Variants in GAPVD1 observed in about 807,000 individuals in gnomAD.
GAPVD1 encodes the protein GTPase-activating protein and VPS9 domain-containing protein 1.
GAPVD1 carries 35 observed loss-of-function variants against 155.5 expected under a neutral mutation model. The observed-to-expected ratio is 0.23, with a 90% CI of 0.17 to 0.30. The LOEUF (loss-of-function observed/expected upper bound fraction) is 0.30, where lower values mean the gene tolerates loss of function less well. GAPVD1 is among the 10% of genes least tolerant of loss of function. The probability of loss-of-function intolerance (pLI) is 1.00; values close to 1 mark genes in which losing one functional copy is unlikely to be tolerated. For missense variants in GAPVD1, 1,429 were observed against 1,775.7 expected (o/e 0.80, Z 3.51); for synonymous variants, 636 against 619.7 (o/e 1.03, Z -0.39).
At chr9:125,284,180 CTTTTTTT>C (rs34335675) in intron 2 of GAPVD1, among the ~76,000 whole-genome samples, 4 of 92,636 alleles carry the variant, frequency 4.3e-5, no homozygotes, top group African/African-American at 1.4e-4. Flanking sequence ...CCCGCCAGAA[CTTTTTTT>C]TTTTTTTTTT....
rs556039518 is a variant in GAPVD1 at position 125,365,379 on chromosome 9, A to G, written c.*2633A>G. 3 of 149,842 alleles carry G rather than the reference A, an allele frequency of 2.0e-5. No homozygotes were observed. The Admixed American group carries it at 2.0e-4, about 10-fold the overall frequency. The allele number at this position is 149,842 out of a possible 1,614,324, so 9.3% of individuals were successfully genotyped here. A position where few individuals can be genotyped will look rare whatever the true frequency, so the allele number is the denominator to read the frequency against. ...TTGTTCCCCAAATGTTTCTTCCTCC[A>G]CTGCCTTCCAGTACTTTCTTTACAT... is the stretch of plus-strand genomic sequence containing the variant. On this transcript the variant is annotated 3_prime_UTR_variant, in exon 28 of 28. Transcript: ENST00000297933.
At chr9:125,352,277 G>T (rs186936823) in intron 23 of GAPVD1, among the ~76,000 whole-genome samples, 1 of 152,178 alleles carries the variant, frequency 6.6e-6, no homozygotes, top group Non-Finnish European at 1.5e-5. Flanking sequence ...TTTCCTTTCC[G>T]CACTGCCCTT....
intron 12 of GAPVD1, among the ~76,000 whole-genome samples, chr9:125,328,730 G>A (rs1208638858): frequency 6.6e-6 from 1 of 151,544 alleles, no homozygotes; most frequent in African/African-American, 2.4e-5. Flanking sequence ...CCTCCCAGAC[G>A]GGGTGGTGGC....
At chr9:125,311,454 T>A (rs1329492794) in intron 8 of GAPVD1, among the ~76,000 whole-genome samples, 1 of 152,094 alleles carries the variant, frequency 6.6e-6, no homozygotes, top group Admixed American at 6.6e-5. Flanking sequence ...AAACCCCGTC[T>A]CTACTAAAAG....
rs1315532749 is a variant in GAPVD1, at chr9:125,342,290, A to G, written c.3037A>G (p.Thr1013Ala). The G allele has an allele frequency of 2.5e-6, 4 of 1,578,602 alleles. No individual in the cohort carries two copies. The highest frequency in any genetic ancestry group is 2.6e-6 in the Non-Finnish European group (3 of 1,147,706). ...TGATCTGGGGCCTGACAGATTCTCAACACTCACAGGTTTGTAGACCCATGG... is the reference window on the plus strand; with the variant it reads ...TGATCTGGGGCCTGACAGATTCTCAGCACTCACAGGTTTGTAGACCCATGG... ...KDDLGPDRFS[T>A]LTDDPSPRLS... The change falls in exon 19 of 28, where the codon ACA becomes GCA. Residue 1013 changes from threonine (T) to alanine (A), a missense_variant. Around this residue, in one of 4 missense-constraint regions of GAPVD1, gnomAD observed 699 missense variants for 826.0 expected, o/e 0.85. Coordinates refer to ENST00000297933, the MANE Select transcript of GAPVD1 (RefSeq NM_001282680.3).
At chr9:125,351,227 A>C (rs541468541) in intron 23 of GAPVD1, among the ~76,000 whole-genome samples, 1 of 152,226 alleles carries the variant, frequency 6.6e-6, no homozygotes, top group African/African-American at 2.4e-5. Flanking sequence ...CTTATTCACT[A>C]TCACGAGAAC....
chr9:125,362,881 T>C lies in GAPVD1; in HGVS notation c.*135T>C. 1.5e-6 allele frequency: 1 copy of C among 650,212 alleles called. No homozygotes were observed. The highest frequency in any genetic ancestry group is 2.5e-6 in the Non-Finnish European group (1 of 407,608). 40.3% of individuals were successfully genotyped at this position (650,212 alleles called of 1,614,324 possible). On this transcript the variant is annotated 3_prime_UTR_variant, in exon 28 of 28. Coordinates refer to ENST00000297933, the MANE Select transcript of GAPVD1 (RefSeq NM_001282680.3). The stretch of plus-strand genomic sequence containing the variant: ...AGCATCAGGCATTTTAAAGCAGATC[T>C]TTACTAAACAGGTTAATGAGCTAAC...
chr9:125,341,024 G>T (rs1158192467), intron 17 of GAPVD1, among the ~76,000 whole-genome samples, 153 bp from the exon 18 acceptor site: 1 of 152,186 alleles, frequency 6.6e-6, no homozygotes, highest in Non-Finnish European at 1.5e-5. Flanking sequence ...AGTCGAGGCT[G>T]CAGTGAGCTG....
chr9:125,271,165 A>C (rs1283558560), intron 2 of GAPVD1, among the ~76,000 whole-genome samples: 1 of 152,144 alleles, frequency 6.6e-6, no homozygotes, highest in Non-Finnish European at 1.5e-5. Flanking sequence ...CCATTTAAAA[A>C]ATACAGGCTT....
At chr9:125,359,000 G>A (rs1850523189) in intron 25 of GAPVD1, among the ~76,000 whole-genome samples, 1 of 152,204 alleles carries the variant, frequency 6.6e-6, no homozygotes, top group African/African-American at 2.4e-5. Flanking sequence ...CATCTACAAA[G>A]TGAAAGGTTG....
rs912139096 is a variant in GAPVD1 at position 125,363,840 on chromosome 9, T to C, written c.*1094T>C. The C allele has an allele frequency of 6.6e-6, 1 of 152,616 alleles. No homozygotes were observed. The highest frequency in any genetic ancestry group is 1.5e-5 in the Non-Finnish European group (1 of 68,036). The allele number at this position is 152,616 out of a possible 1,614,324, so 9.5% of individuals were successfully genotyped here. A position where few individuals can be genotyped will look rare whatever the true frequency, so the allele number is the denominator to read the frequency against. On this transcript the variant is annotated 3_prime_UTR_variant, in exon 28 of 28. Transcript: ENST00000297933. ...CATACTATTCTTATGGAAAAAAATA[T>C]CTATTTTGGCAGGTTTCTGTGCCTT...
At chr9:125,323,981 T>A in intron 11 of GAPVD1, 58 bp downstream of exon 11, 1 of 1,503,082 alleles carries the variant, frequency 6.7e-7, no homozygotes, top group Non-Finnish European at 9.2e-7. Context: ...GATTGCAAGA[T>A]GAGCAGTGTG....
intron 2 of GAPVD1, among the ~76,000 whole-genome samples, chr9:125,283,795 A>T (rs1433728430): frequency 6.6e-6 from 1 of 152,216 alleles, no homozygotes; most frequent in Non-Finnish European, 1.5e-5. Flanking sequence ...TTCCTACCTT[A>T]GAGACCTTCT....
Position 125,337,246 on chromosome 9 carries a change from G to A in GAPVD1, c.2532G>A (p.Lys844=). The change falls in exon 17 of 28, where the codon AAG becomes AAA. Residue 844 remains lysine, a synonymous_variant. Transcript: ENST00000297933. The part of the protein sequence containing the change: ...HEGASAVVRP[K]VHYARPSHPP... ...GGGCTTCTGCTGTGGTAAGGCCAAA[G>A]GTTCACTATGCTAGGCCATCGCATC... 2 of 1,614,132 alleles carry A rather than the reference G, an allele frequency of 1.2e-6. No individual in the cohort carries two copies. Among genetic ancestry groups the A allele is most frequent in the South Asian group, 2.2e-5 (2 of 91,086 alleles).
intron 2 of GAPVD1, among the ~76,000 whole-genome samples, chr9:125,291,970 G>C (rs112084863): frequency 0.011 from 1,697 of 152,152 alleles, 23 homozygotes; most frequent in African/African-American, 0.037. Context: ...TGCCAGGCAC[G>C]GTGACTCACA....
At chr9:125,333,799 C>G (rs930816547) in intron 15 of GAPVD1, among the ~76,000 whole-genome samples, 2 of 152,092 alleles carry the variant, frequency 1.3e-5, no homozygotes, top group African/African-American at 4.8e-5. Context: ...GGTACTTTTT[C>G]TATTTTTACA....
chr9:125,340,427 G>A (rs533436322), intron 17 of GAPVD1, among the ~76,000 whole-genome samples: 1 of 152,254 alleles, frequency 6.6e-6, no homozygotes, highest in Admixed American at 6.5e-5. Flanking sequence ...CATATAGGCT[G>A]TGTAACTTTG....
intron 1 of GAPVD1, 108 bp from the exon 2 acceptor site, chr9:125,268,828 C>G (rs1367836577): frequency 6.6e-6 from 1 of 152,014 alleles, no homozygotes; most frequent in African/African-American, 2.4e-5. Flanking sequence ...ACCACTGCGC[C>G]CAGCTACTTG....
At position 125,312,632 on chromosome 9, in the gene GAPVD1, A is replaced by G. The variant is rs1842821253; in HGVS notation, c.1602+20A>G. On this transcript the variant is annotated intron_variant, in intron 9 of 27. Transcript: ENST00000297933. ...AATGAGGTATGAATCAGTTGCTTCT[A>G]TAAATCAATATTCATGTCTTAGTCC... 1.1e-5 allele frequency: 17 copies of G among 1,554,396 alleles called. 1 individual carries two copies. In the East Asian group the frequency reaches 2.8e-4, roughly 25 times the overall value.
Sources: gnomAD v4.1 joint callset for allele counts (sites outside exome capture counted in the v4.1 genomes callset) on GRCh38, gnomAD v4.1.1 for gene constraint, gnomAD v4.1.1 regional missense constraint, MANE v1.5 for transcripts, NCBI Gene and HGNC (gene_info 2026-07-23, HGNC 2026-07-21) for gene names.